PTGER4: variants seen among roughly 807,000 people sequenced by gnomAD.
PTGER4 encodes prostaglandin E2 receptor EP4 subtype.
In PTGER4, 11 loss-of-function variants were observed where a neutral mutation model predicts 33.2. That is an observed-to-expected ratio of 0.33 (90% CI 0.21 to 0.55). The LOEUF (loss-of-function observed/expected upper bound fraction) is 0.55. Among genes scored for constraint, PTGER4 ranks in the 20% least tolerant of loss-of-function variants. The probability of loss-of-function intolerance (pLI) is 0.92; values close to 1 mark genes in which losing one functional copy is unlikely to be tolerated. For missense variants in PTGER4, 481 were observed against 650.2 expected (o/e 0.74, Z 2.83); for synonymous variants, 275 against 281.5 (o/e 0.98, Z 0.23).
chr5:40,698,993 G>T, the PTGER4 span, among the ~76,000 whole-genome samples: 1 of 152,126 alleles, frequency 6.6e-6, no homozygotes, highest in African/African-American at 2.4e-5. Context: ...TTAACTTCTA[G>T]TAATGTACCC....
In PTGER4 at chr5:40,681,909, C is replaced by T. The variant is rs764923834; in HGVS notation, c.867+49C>T. 4 of 1,472,070 alleles carry T rather than the reference C, an allele frequency of 2.7e-6. No individual in the cohort carries two copies. The East Asian group carries it at 1.0e-4, about 38-fold the overall frequency. 91.2% of individuals were successfully genotyped at this position (1,472,070 alleles called of 1,614,324 possible). A position where few individuals can be genotyped will look rare whatever the true frequency, so the allele number is the denominator to read the frequency against. On this transcript the variant is annotated intron_variant, in intron 2 of 2. Coordinates refer to ENST00000302472, the MANE Select transcript of PTGER4 (RefSeq NM_000958.3). The surrounding 1 kb of genome is among the most constrained non-coding windows in gnomAD (Gnocchi z 9.8). ...TACTCGGCCTTTTTCTCGCATCCAC[C>T]TCCCGCGTCCATTCCCCGCTCCCTG...
the PTGER4 span, among the ~76,000 whole-genome samples, chr5:40,744,813 G>C: frequency 6.6e-6 from 1 of 151,966 alleles, no homozygotes; most frequent in Admixed American, 6.6e-5. Flanking sequence ...TAAAAATATG[G>C]CTCTCAACAG....
the PTGER4 span, among the ~76,000 whole-genome samples, chr5:40,729,295 A>G: frequency 2.0e-5 from 3 of 152,196 alleles, no homozygotes; most frequent in Non-Finnish European, 4.4e-5. Flanking sequence ...TGTGTGTCCT[A>G]TATTTGAGAT....
chr5:40,713,494 C>T, the PTGER4 span, among the ~76,000 whole-genome samples: 1 of 152,008 alleles, frequency 6.6e-6, no homozygotes, highest in African/African-American at 2.4e-5. Context: ...GTATGTAGGC[C>T]CCAGTTGCAG....
the PTGER4 span, chr5:40,728,542 C>A: frequency 7.0e-7 from 1 of 1,430,662 alleles, no homozygotes; most frequent in Non-Finnish European, 9.4e-7. Flanking sequence ...ACATAAAAAA[C>A]CCTTTTCATT....
chr5:40,700,122 A>G, the PTGER4 span, among the ~76,000 whole-genome samples: 1 of 152,270 alleles, frequency 6.6e-6, no homozygotes, highest in South Asian at 2.1e-4. Context: ...CAATATATAC[A>G]AATCAATTGT....
chr5:40,694,547 G>T (rs1272684251), downstream of PTGER4, among the ~76,000 whole-genome samples: 1 of 152,162 alleles, frequency 6.6e-6, no homozygotes, highest in African/African-American at 2.4e-5. Context: ...CCCTCTCCTT[G>T]ACTTGCAGAT....
At chr5:40,739,238 C>T in the PTGER4 span, among the ~76,000 whole-genome samples, 2 of 152,174 alleles carry the variant, frequency 1.3e-5, no homozygotes, top group Non-Finnish European at 2.9e-5. Context: ...AGTCTAGATT[C>T]TTTGCATTTC....
downstream of PTGER4, among the ~76,000 whole-genome samples, chr5:40,696,960 G>A (rs1308765525): frequency 4.1e-5 from 3 of 73,782 alleles, no homozygotes; most frequent in South Asian, 4.8e-4. Flanking sequence ...GAGAGAAAGA[G>A]AGAAAGAAAG....
chr5:40,735,353 AC>A, the PTGER4 span, among the ~76,000 whole-genome samples: 1 of 152,190 alleles, frequency 6.6e-6, no homozygotes, highest in Non-Finnish European at 1.5e-5. Flanking sequence ...GTATGAGATA[AC>A]CCTAGATAAG....
intron 2 of PTGER4, among the ~76,000 whole-genome samples, chr5:40,686,755 G>T (rs1180138640): frequency 6.6e-6 from 1 of 152,136 alleles, no homozygotes; most frequent in Non-Finnish European, 1.5e-5. Flanking sequence ...AAAATTAGGT[G>T]GGTGTGGTAA....
chr5:40,725,712 C>G, the PTGER4 span, among the ~76,000 whole-genome samples: 1 of 151,728 alleles, frequency 6.6e-6, no homozygotes, highest in Admixed American at 6.6e-5. Context: ...GGATAAATCC[C>G]TTATGTATTC....
In PTGER4 at chr5:40,683,115, C is replaced by T. The variant is rs1276929963; in HGVS notation, c.867+1255C>T. ...ATTCCTGGAAATTCTAAACTACCAACTCAAAAAGAGATAACTGCTTTTTCT... is the reference window on the plus strand; with the variant it reads ...ATTCCTGGAAATTCTAAACTACCAATTCAAAAAGAGATAACTGCTTTTTCT... On this transcript the variant is annotated intron_variant, in intron 2 of 2. Coordinates refer to ENST00000302472, the MANE Select transcript of PTGER4 (RefSeq NM_000958.3). This position sits in a 1 kb window ranked among gnomAD's most constrained non-coding sequence, Gnocchi z 4.2. Among the ~76,000 whole-genome samples the T allele has an allele frequency of 3.3e-5, 5 of 152,166 alleles. No individual in the cohort carries two copies. Among genetic ancestry groups the T allele is most frequent in the Non-Finnish European group, 7.4e-5 (5 of 68,024 alleles).
At chr5:40,744,336 T>A in the PTGER4 span, among the ~76,000 whole-genome samples, 3 of 152,208 alleles carry the variant, frequency 2.0e-5, no homozygotes, top group Non-Finnish European at 2.9e-5. Flanking sequence ...ATTTCATAGC[T>A]TAAGCACATT....
the PTGER4 span, among the ~76,000 whole-genome samples, chr5:40,746,449 T>C: frequency 2.4e-4 from 37 of 152,284 alleles, no homozygotes; most frequent in African/African-American, 6.7e-4. Flanking sequence ...TACATAATGT[T>C]ATAAGCAGAA....
At chr5:40,722,853 G>A in the PTGER4 span, among the ~76,000 whole-genome samples, 15 of 151,710 alleles carry the variant, frequency 9.9e-5, no homozygotes, top group South Asian at 2.1e-3. Context: ...TGCCCCGTCC[G>A]GGAGGTGGGG....
At chr5:40,698,239 C>A (rs532636474), downstream of PTGER4, among the ~76,000 whole-genome samples, 628 of 151,868 alleles carry the variant, frequency 4.1e-3, 2 homozygotes, top group African/African-American at 0.015. Flanking sequence ...GATGGTGCCA[C>A]TGGACACCAG....
At chr5:40,701,984 G>A in the PTGER4 span, among the ~76,000 whole-genome samples, 1 of 152,190 alleles carries the variant, frequency 6.6e-6, no homozygotes, top group Non-Finnish European at 1.5e-5. Flanking sequence ...CAAATGTTGA[G>A]GGACTTCATT....
At chr5:40,705,003 G>T in the PTGER4 span, among the ~76,000 whole-genome samples, 1 of 152,106 alleles carries the variant, frequency 6.6e-6, no homozygotes, top group South Asian at 2.1e-4. Context: ...CCAAAAAAGA[G>T]CCCAAATAGC....
Sources: allele counts gnomAD v4.1 joint callset (sites outside exome capture counted in the v4.1 genomes callset), GRCh38; gene constraint gnomAD v4.1.1; non-coding constraint Gnocchi (gnomAD v3.1); transcripts MANE v1.5; gene names NCBI Gene and HGNC (gene_info 2026-07-23, HGNC 2026-07-21).